POPDC1: variants seen among roughly 807,000 people sequenced by gnomAD.
POPDC1 encodes popeye domain-containing protein 1.
the POPDC1 span, among the ~76,000 whole-genome samples, chr6:105,133,797 T>G: frequency 6.6e-6 from 1 of 152,176 alleles, no homozygotes; most frequent in African/African-American, 2.4e-5. Flanking sequence ...AATACCTCAT[T>G]TGCCTTATGA....
the POPDC1 span, chr6:105,115,859 T>A: frequency 6.2e-7 from 1 of 1,609,422 alleles, no homozygotes; most frequent in Non-Finnish European, 8.5e-7. Context: ...TTTCTGAGAA[T>A]TATGGGAGTT....
the POPDC1 span, chr6:105,100,107 T>C: frequency 4.6e-5 from 7 of 152,196 alleles, no homozygotes; most frequent in Non-Finnish European, 1.0e-4. Context: ...TATCAAGTTA[T>C]CCACACAGTG....
At chr6:105,115,729 G>C in the POPDC1 span, 2 of 1,614,156 alleles carry the variant, frequency 1.2e-6, no homozygotes, top group Non-Finnish European at 8.5e-7. Context: ...ACTGGTGCAA[G>C]CCGTCGTCAC....
At chr6:105,107,538 ATC>A in the POPDC1 span, among the ~76,000 whole-genome samples, 1 of 152,228 alleles carries the variant, frequency 6.6e-6, no homozygotes, top group Non-Finnish European at 1.5e-5. Flanking sequence ...ACGATGTGAA[ATC>A]TGTCAGGTGA....
At chr6:105,100,621 A>G in the POPDC1 span, 2 of 144,062 alleles carry the variant, frequency 1.4e-5, no homozygotes, top group African/African-American at 5.1e-5. Flanking sequence ...TATATATGGA[A>G]TAAAGTTTGA....
At chr6:105,114,484 A>G in the POPDC1 span, among the ~76,000 whole-genome samples, 842 of 23,736 alleles carry the variant, frequency 0.035, 8 homozygotes, top group African/African-American at 0.061. Context: ...AAAGGCATAC[A>G]AAGTTACAAA....
the POPDC1 span, among the ~76,000 whole-genome samples, chr6:105,104,670 T>C: frequency 0.012 from 1,828 of 152,286 alleles, 32 homozygotes; most frequent in African/African-American, 0.042. Context: ...GCATGTCCCC[T>C]GAAGGAAATC....
chr6:105,104,699 C>T, the POPDC1 span, among the ~76,000 whole-genome samples: 2 of 152,092 alleles, frequency 1.3e-5, no homozygotes, highest in African/African-American at 2.4e-5. Flanking sequence ...AGAATTGATT[C>T]GACACTGCTT....
chr6:105,109,923 T>G, the POPDC1 span, among the ~76,000 whole-genome samples: 13 of 152,154 alleles, frequency 8.5e-5, no homozygotes, highest in South Asian at 2.7e-3. Context: ...TGTAAGGTTT[T>G]TTAACCATGT....
chr6:105,114,007 T>C, the POPDC1 span, among the ~76,000 whole-genome samples: 2 of 150,258 alleles, frequency 1.3e-5, no homozygotes, highest in Non-Finnish European at 3.0e-5. Context: ...GGAGATTAAA[T>C]TCTTGTATGA....
the POPDC1 span, chr6:105,125,568 T>C: frequency 6.2e-7 from 1 of 1,613,904 alleles, no homozygotes; most frequent in Non-Finnish European, 8.5e-7. Context: ...GAGTTCCTTT[T>C]CAATCTTTAC....
the POPDC1 span, chr6:105,133,609 A>G: frequency 1.8e-5 from 27 of 1,519,416 alleles, no homozygotes; most frequent in East Asian, 5.5e-4. Flanking sequence ...AAGTAAACAA[A>G]AGTAAAATCG....
chr6:105,130,838 C>T, the POPDC1 span, among the ~76,000 whole-genome samples: 1 of 152,084 alleles, frequency 6.6e-6, no homozygotes, highest in South Asian at 2.1e-4. Context: ...TTATACGATG[C>T]ATAACTGTAT....
the POPDC1 span, among the ~76,000 whole-genome samples, chr6:105,126,435 A>G: frequency 1.3e-5 from 2 of 151,898 alleles, no homozygotes; most frequent in Non-Finnish European, 2.9e-5. Flanking sequence ...GTCTCAAAAA[A>G]AAAAAAAATC....
the POPDC1 span, chr6:105,124,598 T>G: frequency 6.2e-7 from 1 of 1,613,068 alleles, no homozygotes; most frequent in Non-Finnish European, 8.5e-7. Context: ...CAGGAGAATC[T>G]ATAAAGGCAC....
At chr6:105,101,781 C>T in the POPDC1 span, among the ~76,000 whole-genome samples, 8 of 152,216 alleles carry the variant, frequency 5.3e-5, no homozygotes, top group South Asian at 4.1e-4. Flanking sequence ...GTAGAGGAAA[C>T]GCAATCCCAG....
the POPDC1 span, among the ~76,000 whole-genome samples, chr6:105,107,647 T>G: frequency 6.6e-6 from 1 of 152,238 alleles, no homozygotes; most frequent in Non-Finnish European, 1.5e-5. Context: ...CCCTGTTAAC[T>G]TTAATGACGT....
chr6:105,099,941 C>T, the POPDC1 span: 1 of 152,240 alleles, frequency 6.6e-6, no homozygotes, highest in South Asian at 2.1e-4. Flanking sequence ...GTGTGCACAA[C>T]ATGGTGACTC....
At chr6:105,120,290 A>C in the POPDC1 span, among the ~76,000 whole-genome samples, 3 of 149,972 alleles carry the variant, frequency 2.0e-5, 1 homozygote, top group African/African-American at 7.4e-5. Flanking sequence ...AAAAAAAAAA[A>C]AAAAAAAAAA....
Sources: allele counts gnomAD v4.1 joint callset (sites outside exome capture counted in the v4.1 genomes callset), GRCh38; gene constraint gnomAD v4.1.1; transcripts MANE v1.5; gene names NCBI Gene and HGNC (gene_info 2026-07-23, HGNC 2026-07-21).